PDE4D: variants seen among roughly 807,000 people sequenced by gnomAD.
PDE4D encodes 3',5'-cyclic-AMP phosphodiesterase 4D.
A neutral mutation model predicts 87.4 loss-of-function variants in PDE4D; 24 were observed. The observed-to-expected ratio is 0.27, with a 90% CI of 0.20 to 0.39. The LOEUF is 0.39. Ranked by LOEUF, PDE4D falls within the 10% of genes least tolerant of loss-of-function variation. The pLI is 1.00. For synonymous variants in PDE4D, 384 were observed against 383.2 expected (o/e 1.00, Z -0.02); for missense variants, 714 against 1,041.0 (o/e 0.69, Z 4.32).
intron 1 of PDE4D, among the ~76,000 whole-genome samples, chr5:60,323,191 C>T (rs542444650): frequency 6.6e-6 from 1 of 152,160 alleles, no homozygotes; most frequent in Non-Finnish European, 1.5e-5. Context: ...ACGGGTGTAT[C>T]TCCAGTGTGG....
At chr5:60,033,704 G>A (rs1767484336) in intron 2 of PDE4D, among the ~76,000 whole-genome samples, 2 of 152,166 alleles carry the variant, frequency 1.3e-5, no homozygotes. Context: ...ATGTTGAAAA[G>A]CAGTGTGGGG....
chr5:59,001,581 C>T (rs11957827), intron 6 of PDE4D, among the ~76,000 whole-genome samples: 15,709 of 152,178 alleles, frequency 0.1, 1,291 homozygotes, highest in East Asian at 0.47. Flanking sequence ...GGTCTCCCTA[C>T]TTCTCTGAAG....
intron 1 of PDE4D, among the ~76,000 whole-genome samples, chr5:59,597,897 G>A (rs950630997): frequency 1.3e-5 from 2 of 152,138 alleles, no homozygotes; most frequent in South Asian, 2.1e-4. Flanking sequence ...ATTCTGACTC[G>A]AGGGTGAATC....
intron 1 of PDE4D, among the ~76,000 whole-genome samples, chr5:59,403,651 A>G (rs530528492): frequency 6.8e-4 from 103 of 152,104 alleles, no homozygotes; most frequent in Non-Finnish European, 1.3e-3. Context: ...ATTTCTTTCT[A>G]TGGCCGAACA....
At chr5:60,373,190 T>A (rs1273413386) in intron 1 of PDE4D, among the ~76,000 whole-genome samples, 4 of 152,208 alleles carry the variant, frequency 2.6e-5, no homozygotes, top group Non-Finnish European at 5.9e-5. Context: ...TGGTTGTTGG[T>A]TTTTACTTAA....
intron 1 of PDE4D, among the ~76,000 whole-genome samples, chr5:59,656,804 C>G (rs927659746): frequency 2.0e-5 from 3 of 152,194 alleles, no homozygotes; most frequent in African/African-American, 7.2e-5. Context: ...ATTATACTTT[C>G]TGAGACACTC....
intron 5 of PDE4D, chr5:59,091,205 C>T (rs556056633): frequency 1.4e-5 from 6 of 441,000 alleles, no homozygotes; most frequent in African/African-American, 1.2e-4. Flanking sequence ...ATTACCTTCT[C>T]AACCACTTTG....
At chr5:59,240,613 G>T (rs1385380418) in intron 1 of PDE4D, among the ~76,000 whole-genome samples, 1 of 152,084 alleles carries the variant, frequency 6.6e-6, no homozygotes, top group Non-Finnish European at 1.5e-5. Flanking sequence ...TATCCCAATA[G>T]GTTTAGACCC....
intron 1 of PDE4D, among the ~76,000 whole-genome samples, chr5:59,783,709 T>A (rs1195573624): frequency 6.6e-6 from 1 of 152,186 alleles, no homozygotes; most frequent in Non-Finnish European, 1.5e-5. Flanking sequence ...AAAACATAAG[T>A]TGTTATTTAT....
At chr5:59,768,718 T>A (rs1763127148) in intron 1 of PDE4D, 3 of 1,232,526 alleles carry the variant, frequency 2.4e-6, no homozygotes, top group Non-Finnish European at 3.3e-6. Flanking sequence ...TCACCCCTCC[T>A]CTCCCAAGCC....
intron 1 of PDE4D, among the ~76,000 whole-genome samples, chr5:59,891,602 A>G (rs768650317): frequency 2.4e-4 from 36 of 152,332 alleles, no homozygotes; most frequent in Middle Eastern, 3.4e-3. Context: ...AATTGAGGTT[A>G]TTAATTACAA....
At chr5:59,721,869 CTG>C (rs1440639850) in intron 1 of PDE4D, among the ~76,000 whole-genome samples, 2 of 152,172 alleles carry the variant, frequency 1.3e-5, no homozygotes, top group Non-Finnish European at 1.5e-5. Flanking sequence ...AAAATCTCCT[CTG>C]TGTCTTCACA....
intron 1 of PDE4D, among the ~76,000 whole-genome samples, chr5:60,408,343 G>A (rs2150061032): frequency 6.6e-6 from 1 of 152,306 alleles, no homozygotes; most frequent in Admixed American, 6.5e-5. Context: ...ATCTTTCTCT[G>A]TGGAGGCTCC....
At chr5:60,007,578 A>C (rs1333462439) in intron 2 of PDE4D, among the ~76,000 whole-genome samples, 1 of 152,022 alleles carries the variant, frequency 6.6e-6, no homozygotes, top group Non-Finnish European at 1.5e-5. Flanking sequence ...ACATACCTAC[A>C]CTACTTTAAC....
rs555525133 is a variant in PDE4D at position 59,978,168 on chromosome 5, C to T, written c.272+10320G>A. ...CCAAGGAGTCATTTCAACTTTTAAG[C>T]CTTATTATTTAAGAAATACATTTCA... On this transcript the variant is annotated intron_variant, in intron 3 of 16. Transcript: ENST00000502484. Among the ~76,000 whole-genome samples, 8 of 152,172 alleles carry T rather than the reference C, an allele frequency of 5.3e-5. No individual in the cohort carries two copies. The East Asian group carries it at 1.5e-3, about 29-fold the overall frequency.
chr5:60,497,364 T>C (rs376705860), intron 1 of PDE4D, among the ~76,000 whole-genome samples: 5 of 152,246 alleles, frequency 3.3e-5, no homozygotes, highest in African/African-American at 1.2e-4. Flanking sequence ...CTCTTATGTA[T>C]TGGCCGCTTG....
At chr5:59,305,091 G>A (rs928952048) in intron 1 of PDE4D, among the ~76,000 whole-genome samples, 2 of 152,086 alleles carry the variant, frequency 1.3e-5, no homozygotes, top group African/African-American at 2.4e-5. Context: ...GATCTGTTCA[G>A]TGTATCTAAT....
At chr5:60,227,853 C>T (rs1235735679) in intron 1 of PDE4D, among the ~76,000 whole-genome samples, 1 of 152,078 alleles carries the variant, frequency 6.6e-6, no homozygotes, top group Non-Finnish European at 1.5e-5. Context: ...AAATTCTTAT[C>T]ATAGCCAGTA....
At chr5:58,985,188 T>A (rs1561235096) in intron 11 of PDE4D, among the ~76,000 whole-genome samples, 1 of 152,320 alleles carries the variant, frequency 6.6e-6, no homozygotes, top group South Asian at 2.1e-4. Context: ...GTGCTGGGAT[T>A]ATAGGAGTGA....
Sources: gnomAD v4.1 joint callset for allele counts (sites outside exome capture counted in the v4.1 genomes callset) on GRCh38, gnomAD v4.1.1 for gene constraint, MANE v1.5 for transcripts, NCBI Gene and HGNC (gene_info 2026-07-23, HGNC 2026-07-21) for gene names.